The following GPC5 variants were observed in gnomAD, a reference collection of about 807,000 sequenced individuals.
The protein encoded by GPC5 is glypican-5.
In GPC5, 47 loss-of-function variants were observed where a neutral mutation model predicts 53.9. The observed-to-expected ratio is 0.87, with a 90% confidence interval of 0.69 to 1.11. The LOEUF is 1.11. GPC5 is among the 50% of genes most tolerant of loss of function. The pLI, the probability that GPC5 is intolerant of heterozygous loss-of-function variation, is 0.00. For missense variants in GPC5, 748 were observed against 713.1 expected (o/e 1.05, Z -0.56); for synonymous variants, 286 against 263.3 (o/e 1.09, Z -0.84).
At chr13:92,511,850 A>G (rs1410529108) in intron 7 of GPC5, among the ~76,000 whole-genome samples, 1 of 151,824 alleles carries the variant, frequency 6.6e-6, no homozygotes, top group Non-Finnish European at 1.5e-5. Flanking sequence ...GCAGCACTTT[A>G]CCTGTGATCA....
intron 1 of GPC5, among the ~76,000 whole-genome samples, chr13:91,407,926 G>A (rs764625049): frequency 3.9e-5 from 6 of 151,906 alleles, no homozygotes; most frequent in South Asian, 2.1e-4. Flanking sequence ...ATTTTAAATC[G>A]ACAGATAAAA....
intron 7 of GPC5, among the ~76,000 whole-genome samples, chr13:92,239,497 A>G (rs965583038): frequency 2.0e-5 from 3 of 151,980 alleles, no homozygotes; most frequent in African/African-American, 7.2e-5. Context: ...TTTGGTTCCA[A>G]TATATACAAC....
At chr13:92,041,745 C>T (rs2040943552) in intron 6 of GPC5, among the ~76,000 whole-genome samples, 1 of 152,174 alleles carries the variant, frequency 6.6e-6, no homozygotes, top group Non-Finnish European at 1.5e-5. Flanking sequence ...TGCCAGCTCC[C>T]ACAGTGTTCC....
intron 7 of GPC5, among the ~76,000 whole-genome samples, chr13:92,494,351 A>T (rs1376740382): frequency 1.3e-5 from 2 of 152,166 alleles, no homozygotes; most frequent in Non-Finnish European, 2.9e-5. Flanking sequence ...AGCCTCCCAA[A>T]GTTCTGGGAT....
intron 7 of GPC5, among the ~76,000 whole-genome samples, chr13:92,428,005 T>C (rs908296593): frequency 6.6e-5 from 10 of 152,178 alleles, no homozygotes; most frequent in Admixed American, 3.9e-4. Context: ...TGTATCATTT[T>C]TTGTTTTCCA....
chr13:92,705,552 C>A (rs1433212050), intron 7 of GPC5, among the ~76,000 whole-genome samples: 1 of 151,660 alleles, frequency 6.6e-6, no homozygotes, highest in African/African-American at 2.4e-5. Flanking sequence ...TCAATAATTT[C>A]TTTCTATCTT....
At chr13:92,225,244 C>T (rs1317452899) in intron 7 of GPC5, among the ~76,000 whole-genome samples, 2 of 152,112 alleles carry the variant, frequency 1.3e-5, no homozygotes, top group African/African-American at 2.4e-5. Context: ...TGGCATTAAT[C>T]GACCTTATAT....
At chr13:91,462,230 TA>T (rs1055443407) in intron 2 of GPC5, among the ~76,000 whole-genome samples, 1 of 152,146 alleles carries the variant, frequency 6.6e-6, no homozygotes, top group Admixed American at 6.6e-5. Flanking sequence ...GAAGAGGCTT[TA>T]AAGTTTTGAC....
intron 7 of GPC5, among the ~76,000 whole-genome samples, chr13:92,183,347 G>T (rs898373508): frequency 6.6e-6 from 1 of 151,706 alleles, no homozygotes; most frequent in Non-Finnish European, 1.5e-5. Flanking sequence ...GGGATAGGTG[G>T]GTGAGGTCAG....
intron 7 of GPC5, among the ~76,000 whole-genome samples, chr13:92,315,849 G>C (rs1358483015): frequency 2.6e-5 from 4 of 152,100 alleles, no homozygotes; most frequent in Non-Finnish European, 5.9e-5. Flanking sequence ...GCTGTGGTGT[G>C]GTTTATGCAA....
chr13:91,879,233 T>C (rs1425142577), intron 5 of GPC5, among the ~76,000 whole-genome samples: 1 of 152,194 alleles, frequency 6.6e-6, no homozygotes, highest in Non-Finnish European at 1.5e-5. Flanking sequence ...GTTTCTTATT[T>C]GTGTTTTCAT....
chr13:92,370,652 C>T (rs1469866100), intron 7 of GPC5, among the ~76,000 whole-genome samples: 3 of 151,982 alleles, frequency 2.0e-5, no homozygotes, highest in Admixed American at 6.6e-5. Context: ...TTTCCATTTA[C>T]TAGGGATTTG....
chr13:92,086,594 T>C (rs2138888819), intron 6 of GPC5, among the ~76,000 whole-genome samples: 1 of 152,278 alleles, frequency 6.6e-6, no homozygotes, highest in South Asian at 2.1e-4. Context: ...TGATCTCCTG[T>C]AGAACACTTT....
At chr13:92,576,432 C>T (rs937378958) in intron 7 of GPC5, among the ~76,000 whole-genome samples, 1 of 151,870 alleles carries the variant, frequency 6.6e-6, no homozygotes, top group Non-Finnish European at 1.5e-5. Flanking sequence ...TGTACCTTGA[C>T]ACTGCAATAA....
rs761996582 is a variant in GPC5 at position 92,028,669 on chromosome 13, T to A, written c.1402-116161T>A. 1.1e-3 allele frequency among the ~76,000 whole-genome samples: 173 copies of A among 152,330 alleles called. No homozygotes were observed. In the Middle Eastern group the frequency reaches 0.017, roughly 15 times the overall value. On this transcript the variant is annotated intron_variant, in intron 6 of 7. Transcript: ENST00000377067. ...TTGTTTGTCTTTTAATATTGAGCAC[T>A]TCTACCTTAAAACAAAGTTCACTTA...
intron 7 of GPC5, among the ~76,000 whole-genome samples, chr13:92,839,118 C>T (rs1345403308): frequency 2.6e-5 from 4 of 152,192 alleles, no homozygotes; most frequent in African/African-American, 9.6e-5. Context: ...TGCCTGAGCA[C>T]TTACGATAAT....
At chr13:92,238,322 A>G (rs1383858386) in intron 7 of GPC5, among the ~76,000 whole-genome samples, 2 of 151,970 alleles carry the variant, frequency 1.3e-5, no homozygotes, top group Non-Finnish European at 2.9e-5. Flanking sequence ...AAAGAAATGT[A>G]TAGTGTTCCA....
chr13:92,517,496 G>A (rs1433992555), intron 7 of GPC5, among the ~76,000 whole-genome samples: 1 of 152,170 alleles, frequency 6.6e-6, no homozygotes, highest in Non-Finnish European at 1.5e-5. Flanking sequence ...AGCTTCCAGA[G>A]GAACGATCAC....
chr13:91,629,235 A>G (rs1382120808), intron 2 of GPC5, among the ~76,000 whole-genome samples: 2 of 152,210 alleles, frequency 1.3e-5, no homozygotes, highest in Admixed American at 1.3e-4. Context: ...TTAGACTTCC[A>G]GAAGGCAAAT....
Sources: gnomAD v4.1 joint callset for allele counts (sites outside exome capture counted in the v4.1 genomes callset) on GRCh38, gnomAD v4.1.1 for gene constraint, MANE v1.5 for transcripts, NCBI Gene and HGNC (gene_info 2026-07-23, HGNC 2026-07-21) for gene names.